Variants in GRIK4 observed in about 807,000 individuals in gnomAD.
The protein encoded by GRIK4 is glutamate ionotropic receptor kainate type subunit 4.
A neutral mutation model predicts 104.9 loss-of-function variants in GRIK4; 40 were observed. That is an observed-to-expected ratio of 0.38 (90% CI 0.30 to 0.50). GRIK4 has a LOEUF of 0.50. Among genes scored for constraint, GRIK4 ranks in the 20% least tolerant of loss-of-function variants. The pLI is 0.93. For missense variants in GRIK4, 1,047 were observed against 1,308.1 expected (o/e 0.80, Z 3.08); for synonymous variants, 485 against 524.9 (o/e 0.92, Z 1.04).
chr11:120,790,016 AC>A (rs1952364178), intron 3 of GRIK4, among the ~76,000 whole-genome samples: 2 of 151,962 alleles, frequency 1.3e-5, no homozygotes, highest in Non-Finnish European at 1.5e-5. Context: ...CTGTCCTCTG[AC>A]CCCAGGATGC....
chr11:120,839,310 G>A (rs1261333012), intron 8 of GRIK4, among the ~76,000 whole-genome samples: 3 of 152,186 alleles, frequency 2.0e-5, no homozygotes, highest in African/African-American at 7.2e-5. Context: ...GAACAAGCAT[G>A]GTGAACGGGA....
At chr11:120,814,837 C>T (rs934689411) in intron 4 of GRIK4, among the ~76,000 whole-genome samples, 9 of 152,210 alleles carry the variant, frequency 5.9e-5, no homozygotes, top group African/African-American at 2.2e-4. Context: ...TTCTCCCTGC[C>T]TCCCATTTTC....
chr11:120,518,299 C>T (rs996821173), intron 1 of GRIK4, among the ~76,000 whole-genome samples: 4 of 152,202 alleles, frequency 2.6e-5, no homozygotes, highest in Non-Finnish European at 5.9e-5. Context: ...GTGCTGAGCA[C>T]GAGTCCGTGG....
chr11:120,877,619 T>C (rs942343937), intron 11 of GRIK4, among the ~76,000 whole-genome samples: 1 of 152,212 alleles, frequency 6.6e-6, no homozygotes, highest in African/African-American at 2.4e-5. Flanking sequence ...ATAAGTTTTT[T>C]AAGATGGAGA....
At chr11:120,520,127 A>G (rs1304298448) in intron 1 of GRIK4, among the ~76,000 whole-genome samples, 2 of 152,080 alleles carry the variant, frequency 1.3e-5, no homozygotes, top group Non-Finnish European at 2.9e-5. Flanking sequence ...TCCCGGCCTC[A>G]GGTGATCCAC....
intron 13 of GRIK4, among the ~76,000 whole-genome samples, chr11:120,906,983 G>C (rs1942881787): frequency 6.6e-6 from 1 of 152,190 alleles, no homozygotes; most frequent in Non-Finnish European, 1.5e-5. Context: ...CGACTGCCAT[G>C]GGGGTGGGGA....
intron 1 of GRIK4, among the ~76,000 whole-genome samples, chr11:120,609,427 A>T (rs11605735): frequency 0.42 from 60,191 of 142,944 alleles, 12,305 homozygotes; most frequent in Admixed American, 0.52. Flanking sequence ...TGTTTGAGAC[A>T]TTTTCCCCCT....
chr11:120,962,569 C>T lies in GRIK4; in HGVS notation c.2154C>T (p.Tyr718=), dbSNP rs746566728. 45 of 1,613,662 alleles carry T rather than the reference C, an allele frequency of 2.8e-5. No homozygotes were observed. Among genetic ancestry groups the T allele is most frequent in the Admixed American group, 2.7e-4 (16 of 60,004 alleles). Residue 718 remains tyrosine, a synonymous_variant, in exon 18 of 21, where the codon TAC becomes TAT. Transcript: ENST00000527524. ...EGIARVLNSN[Y]AFLLESTMNE... is the part of the protein sequence containing the mutation. The stretch of plus-strand genomic sequence containing the variant: ...TCGCCAGGGTGTTGAATTCCAACTA[C>T]GCCTTCCTCCTGGAATCCACCATGA...
chr11:120,662,235 T>C (rs746928563), intron 3 of GRIK4, among the ~76,000 whole-genome samples: 1 of 152,180 alleles, frequency 6.6e-6, no homozygotes, highest in Non-Finnish European at 1.5e-5. Flanking sequence ...CTCTGAACAA[T>C]GCTTGTTCAG....
rs1190314997 is a variant in GRIK4 at position 120,967,498 on chromosome 11, T to C, written c.2395+175T>C. Among the ~76,000 whole-genome samples the C allele has an allele frequency of 1.3e-5, 2 of 152,112 alleles. No individual in the cohort carries two copies. The highest frequency in any genetic ancestry group is 4.8e-5 in the African/African-American group (2 of 41,410). On this transcript the variant is annotated intron_variant, in intron 19 of 20. Transcript: ENST00000527524. The surrounding 1 kb of genome is among the most constrained non-coding windows in gnomAD (Gnocchi z 4.2). ...ATCAGGTCTGTCCCAGGGTCTTGCG[T>C]ATCGCAGGCACCCAGTGTCCACCCG...
At position 120,660,309 on chromosome 11, in the gene GRIK4, T is replaced by G. The variant is rs1949790776; in HGVS notation, c.-10T>G. On this transcript the variant is annotated 5_prime_UTR_variant, in exon 3 of 21. Transcript: ENST00000527524. ...AGGCCAGCAGGGGGCTCCATGAGGATTCATAGAAGATGCCCCGCGTCTCGG... is the reference window on the plus strand; with the variant it reads ...AGGCCAGCAGGGGGCTCCATGAGGAGTCATAGAAGATGCCCCGCGTCTCGG... 2 of 1,600,782 alleles carry G rather than the reference T, an allele frequency of 1.2e-6. No homozygotes were observed. The highest frequency in any genetic ancestry group is 1.7e-5 in the Admixed American group (1 of 59,968).
chr11:120,777,510 G>GCAACC (rs1178976414), intron 3 of GRIK4, among the ~76,000 whole-genome samples: 1 of 152,258 alleles, frequency 6.6e-6, no homozygotes, highest in Non-Finnish European at 1.5e-5. Context: ...GCCCGGCACG[G>GCAACC]GGTTGGGGCT....
At chr11:120,776,490 T>C (rs1165523631) in intron 3 of GRIK4, among the ~76,000 whole-genome samples, 1 of 152,236 alleles carries the variant, frequency 6.6e-6, no homozygotes, top group Non-Finnish European at 1.5e-5. Flanking sequence ...GTCTTTGTCC[T>C]GAAGGCAGGA....
At chr11:120,512,777 C>G (rs1462057694) in intron 1 of GRIK4, among the ~76,000 whole-genome samples, 1 of 152,158 alleles carries the variant, frequency 6.6e-6, no homozygotes, top group African/African-American at 2.4e-5. Context: ...GCACTGAGAG[C>G]ACCTGTGTCT....
chr11:120,859,942 G>A (rs149953570), intron 8 of GRIK4, among the ~76,000 whole-genome samples: 347 of 152,374 alleles, frequency 2.3e-3, no homozygotes, highest in African/African-American at 7.9e-3. Flanking sequence ...GCTCTGGGTA[G>A]GTGAGCTGAG....
chr11:120,758,324 C>T (rs1951687693), intron 3 of GRIK4, among the ~76,000 whole-genome samples: 1 of 152,214 alleles, frequency 6.6e-6, no homozygotes, highest in South Asian at 2.1e-4. Context: ...CATGCTCTGC[C>T]TCTACGTTTG....
chr11:120,833,267 C>G (rs1026891271), intron 7 of GRIK4, among the ~76,000 whole-genome samples: 1 of 137,724 alleles, frequency 7.3e-6, no homozygotes, highest in Non-Finnish European at 1.5e-5. Context: ...CTCTCTCTTT[C>G]TTTCTCTCTC....
At chr11:120,594,789 G>T (rs1948780088) in intron 1 of GRIK4, among the ~76,000 whole-genome samples, 2 of 152,208 alleles carry the variant, frequency 1.3e-5, no homozygotes, top group Admixed American at 1.3e-4. Flanking sequence ...GCCGTACCAT[G>T]ACTCCATTGC....
At chr11:120,912,526 C>T (rs1943022862) in intron 13 of GRIK4, among the ~76,000 whole-genome samples, 1 of 152,134 alleles carries the variant, frequency 6.6e-6, no homozygotes, top group Non-Finnish European at 1.5e-5. Flanking sequence ...AGAACATTTC[C>T]CAGGCTGAGC....
Sources: allele counts gnomAD v4.1 joint callset (sites outside exome capture counted in the v4.1 genomes callset), GRCh38; gene constraint gnomAD v4.1.1; non-coding constraint Gnocchi (gnomAD v3.1); transcripts MANE v1.5; gene names NCBI Gene and HGNC (gene_info 2026-07-23, HGNC 2026-07-21).